MGAT4C: variants seen among roughly 807,000 people sequenced by gnomAD.
The protein encoded by MGAT4C is MGAT4 family member C, also known as alpha-1,3-mannosyl-glycoprotein 4-beta-N-acetylglucosaminyltransferase C.
In MGAT4C, 19 loss-of-function variants were observed where a neutral mutation model predicts 40.1. That is an observed-to-expected ratio of 0.47 (90% confidence interval 0.33 to 0.70). The LOEUF (loss-of-function observed/expected upper bound fraction) is 0.70. MGAT4C is among the 30% of genes least tolerant of loss of function. MGAT4C has a pLI of 0.02. For synonymous variants in MGAT4C, 181 were observed against 187.1 expected (o/e 0.97, Z 0.27); for missense variants, 491 against 563.2 (o/e 0.87, Z 1.30).
intron 2 of MGAT4C, among the ~76,000 whole-genome samples, chr12:86,499,199 G>T (rs773962967): frequency 6.6e-4 from 100 of 151,874 alleles, no homozygotes; most frequent in Non-Finnish European, 1.0e-3. Context: ...TTACGGTGGG[G>T]TTAAAAGTTA....
chr12:86,558,302 T>C (rs956291554), intron 2 of MGAT4C, among the ~76,000 whole-genome samples: 1 of 152,138 alleles, frequency 6.6e-6, no homozygotes, highest in Non-Finnish European at 1.5e-5. Flanking sequence ...AATAATAGTT[T>C]AAAAACATTT....
rs1225600040 is a variant in MGAT4C, at chr12:86,698,819, C to CT, written c.-229+28389dup. The stretch of plus-strand genomic sequence containing the variant: ...TGTCTGTGGTTGAGAAAATTGAACT[C>CT]TAACAGATTGCAGTCCCAGAAGAAA... On this transcript the variant is annotated intron_variant, in intron 2 of 7. Transcript: ENST00000548651. Among the ~76,000 whole-genome samples the CT allele has an allele frequency of 4.6e-5, 7 of 152,184 alleles. No homozygotes were observed. The East Asian group carries it at 1.4e-3, about 29-fold the overall frequency.
At chr12:86,703,602 A>T (rs539379805) in intron 2 of MGAT4C, among the ~76,000 whole-genome samples, 154 of 152,318 alleles carry the variant, frequency 1.0e-3, no homozygotes, top group Middle Eastern at 3.4e-3. Context: ...TTGGTTTTTT[A>T]AATGTAATGC....
At chr12:86,733,269 C>T (rs1168105098) in intron 1 of MGAT4C, among the ~76,000 whole-genome samples, 5 of 151,956 alleles carry the variant, frequency 3.3e-5, no homozygotes, top group Admixed American at 3.3e-4. Flanking sequence ...CCACATTTTC[C>T]CTTAATTATT....
intron 1 of MGAT4C, among the ~76,000 whole-genome samples, chr12:86,205,365 T>C (rs562228915): frequency 6.6e-6 from 1 of 151,336 alleles, no homozygotes; most frequent in African/African-American, 2.4e-5. Context: ...AGTGATTTTG[T>C]CACATTTAAA....
chr12:86,679,307 T>C (rs999849727), intron 2 of MGAT4C, among the ~76,000 whole-genome samples: 2 of 152,110 alleles, frequency 1.3e-5, no homozygotes, highest in African/African-American at 4.8e-5. Context: ...TTTGAGTTCA[T>C]TGTAGATTCT....
At chr12:86,294,278 T>C (rs1409692508) in intron 4 of MGAT4C, among the ~76,000 whole-genome samples, 1 of 152,102 alleles carries the variant, frequency 6.6e-6, no homozygotes, top group Non-Finnish European at 1.5e-5. Flanking sequence ...TTGTCTCTAA[T>C]TAAATTCTTT....
chr12:86,478,341 T>C (rs1041435818), intron 2 of MGAT4C, among the ~76,000 whole-genome samples: 1 of 152,144 alleles, frequency 6.6e-6, no homozygotes, highest in Non-Finnish European at 1.5e-5. Context: ...GACACAATAG[T>C]ATGTAGTCTT....
At chr12:86,244,810 A>G (rs751112808) in intron 1 of MGAT4C, among the ~76,000 whole-genome samples, 1 of 152,196 alleles carries the variant, frequency 6.6e-6, no homozygotes, top group Non-Finnish European at 1.5e-5. Flanking sequence ...TCAAACAGAA[A>G]GAACATGTGC....
intron 2 of MGAT4C, among the ~76,000 whole-genome samples, chr12:86,725,765 G>A (rs2136650422): frequency 6.6e-6 from 1 of 152,128 alleles, no homozygotes; most frequent in Non-Finnish European, 1.5e-5. Flanking sequence ...GCCCGGCCCA[G>A]CGCCCCCTTT....
intron 2 of MGAT4C, among the ~76,000 whole-genome samples, chr12:86,675,578 T>C (rs1248769228): frequency 6.6e-6 from 1 of 152,232 alleles, no homozygotes; most frequent in Non-Finnish European, 1.5e-5. Flanking sequence ...TTCTCAACTC[T>C]GGCTGCATAT....
chr12:86,059,932 A>G (rs1893777527), intron 1 of MGAT4C, among the ~76,000 whole-genome samples: 1 of 152,240 alleles, frequency 6.6e-6, no homozygotes, highest in Non-Finnish European at 1.5e-5. Flanking sequence ...CGAAGATCTT[A>G]TACAGAATGA....
chr12:86,718,013 T>C (rs1950674747), intron 2 of MGAT4C, among the ~76,000 whole-genome samples: 1 of 152,176 alleles, frequency 6.6e-6, no homozygotes, highest in African/African-American at 2.4e-5. Context: ...AGAAGACATC[T>C]GGCAGTGTCT....
At chr12:86,144,305 C>CT (rs1347853370) in intron 1 of MGAT4C, among the ~76,000 whole-genome samples, 3 of 152,074 alleles carry the variant, frequency 2.0e-5, no homozygotes, top group Non-Finnish European at 4.4e-5. Flanking sequence ...TAAAATATTT[C>CT]TTTTTACCAG....
At chr12:86,590,575 TGG>T (rs2136447836) in intron 2 of MGAT4C, among the ~76,000 whole-genome samples, 2 of 152,182 alleles carry the variant, frequency 1.3e-5, no homozygotes, top group Admixed American at 1.3e-4. Flanking sequence ...TGTATACATA[TGG>T]CTCCCTATTT....
At chr12:86,035,287 T>C (rs1261963564) in intron 2 of MGAT4C, among the ~76,000 whole-genome samples, 2 of 150,324 alleles carry the variant, frequency 1.3e-5, no homozygotes, top group Non-Finnish European at 3.0e-5. Context: ...AACAGCATCT[T>C]GGTATCTCAT....
intron 3 of MGAT4C, among the ~76,000 whole-genome samples, chr12:86,365,410 T>A (rs1009338645): frequency 1.3e-4 from 20 of 151,880 alleles, no homozygotes; most frequent in Non-Finnish European, 2.9e-4. Flanking sequence ...GCAACATACA[T>A]CCTCCCCAGC....
chr12:86,013,323 G>T (rs1888707312), intron 2 of MGAT4C, among the ~76,000 whole-genome samples: 1 of 151,972 alleles, frequency 6.6e-6, no homozygotes, highest in Admixed American at 6.6e-5. Flanking sequence ...GCGCGATCTC[G>T]GTTCACTGCA....
At chr12:86,788,867 T>C (rs879834076) in intron 1 of MGAT4C, among the ~76,000 whole-genome samples, 2 of 152,140 alleles carry the variant, frequency 1.3e-5, no homozygotes, top group Admixed American at 6.6e-5. Context: ...TGGAAAGGAT[T>C]CTTGGAAAGA....
Sources: allele counts gnomAD v4.1 joint callset (sites outside exome capture counted in the v4.1 genomes callset), GRCh38; gene constraint gnomAD v4.1.1; transcripts MANE v1.5; gene names NCBI Gene and HGNC (gene_info 2026-07-23, HGNC 2026-07-21).